PPP1R42: variants seen among roughly 807,000 people sequenced by gnomAD.
PPP1R42 encodes leucine rich repeat containing 67.
Under a neutral mutation model 31.0 loss-of-function variants are expected in PPP1R42, and 34 were observed. The observed-to-expected ratio is 1.10, with a 90% CI of 0.83 to 1.46. The LOEUF (loss-of-function observed/expected upper bound fraction) is 1.46. PPP1R42 is among the 40% of genes most tolerant of loss of function. PPP1R42 has a pLI of 0.00. For synonymous variants in PPP1R42, 103 were observed against 109.8 expected, an observed-to-expected ratio of 0.94 and a Z score of 0.39; for missense variants, 268 against 303.0, an observed-to-expected ratio of 0.88 and a Z score of 0.86.
chr8:66,986,163 G>A (rs1054622808), intron 6 of PPP1R42: 8 of 622,310 alleles, frequency 1.3e-5, no homozygotes, highest in Non-Finnish European at 2.4e-5. Context: ...AACCCAGCAC[G>A]CTTTTCACTG....
intron 2 of PPP1R42, among the ~76,000 whole-genome samples, chr8:67,016,350 T>A (rs1816016826): frequency 6.6e-6 from 1 of 152,184 alleles, no homozygotes. Flanking sequence ...GTAGTTCCTG[T>A]GTTTCCAAGA....
chr8:67,013,061 C>G lies in PPP1R42; in HGVS notation c.332G>C (p.Gly111Ala). The G allele has an allele frequency of 6.2e-7, 1 of 1,605,974 alleles. No individual in the cohort carries two copies. Reference sequence around the variant, plus strand: ...TCTTAGTTCTCCTAATCCTTCTAAACCTTCTATGACAGCAATGTAATTGCC... The same window carrying G: ...TCTTAGTTCTCCTAATCCTTCTAAAGCTTCTATGACAGCAATGTAATTGCC... ...LGGNYIAVIEGLEGLGELREL... is the reference protein window; with the variant it reads ...LGGNYIAVIEALEGLGELREL... The change falls in exon 4 of 8, where the codon GGT (glycine) becomes GCT (alanine). Residue 111 changes from glycine to alanine, a missense_variant. Physicochemically the swap from Gly to Ala is moderately conservative, Grantham distance 60 (BLOSUM62 0). Coordinates refer to ENST00000685739, the MANE Select transcript of PPP1R42 (RefSeq NM_001364910.1).
rs565681133 is a variant in PPP1R42 at position 67,003,906 on chromosome 8, C to T, written c.552+6809G>A. On this transcript the variant is annotated intron_variant, in intron 5 of 7. Transcript: ENST00000685739. ...GAGATTGAGACCATCCTGGCTAAGA[C>T]GGTGAAACCCCGTCTCTACTAAAAG... Among the ~76,000 whole-genome samples, 4 of 152,004 alleles carry T rather than the reference C, an allele frequency of 2.6e-5. No individual in the cohort carries two copies. The East Asian group carries it at 5.8e-4, about 22-fold the overall frequency.
intron 7 of PPP1R42, among the ~76,000 whole-genome samples, chr8:66,979,147 A>C (rs1314968980): frequency 6.6e-6 from 1 of 152,056 alleles, no homozygotes; most frequent in African/African-American, 2.4e-5. Flanking sequence ...GTCCTGAAGC[A>C]TTTCCTCTGT....
intron 5 of PPP1R42, among the ~76,000 whole-genome samples, chr8:66,993,144 C>T (rs1036516062): frequency 6.6e-6 from 1 of 152,154 alleles, no homozygotes; most frequent in Non-Finnish European, 1.5e-5. Context: ...TCCCATGCTC[C>T]CTATATCCAA....
At chr8:66,986,800 G>C (rs1815032191) in intron 6 of PPP1R42, among the ~76,000 whole-genome samples, 6 of 152,174 alleles carry the variant, frequency 3.9e-5, no homozygotes, top group Admixed American at 3.9e-4. Flanking sequence ...CTTTCTGATA[G>C]AAAGTAAATA....
intron 1 of PPP1R42, among the ~76,000 whole-genome samples, chr8:67,018,513 GC>G (rs1171526082): frequency 1.3e-5 from 2 of 149,078 alleles, no homozygotes; most frequent in East Asian, 4.1e-4. Context: ...ATAGTGCACT[GC>G]AACCTTTTTT....
chr8:66,968,212 A>G (rs1814440269), intron 7 of PPP1R42, among the ~76,000 whole-genome samples: 1 of 152,218 alleles, frequency 6.6e-6, no homozygotes, highest in Admixed American at 6.5e-5. Flanking sequence ...AACAACGTCA[A>G]TGAGTCTGAC....
chr8:66,984,461 G>A, intron 6 of PPP1R42: 2 of 1,280,156 alleles, frequency 1.6e-6, no homozygotes, highest in Non-Finnish European at 2.3e-6. Context: ...CCCTTGTGCA[G>A]TAACACCACT....
intron 6 of PPP1R42, chr8:66,988,053 A>C: frequency 4.3e-5 from 31 of 717,738 alleles, no homozygotes; most frequent in Non-Finnish European, 5.3e-5. Context: ...TACAGAACCA[A>C]GAGCTAAGGA....
chr8:67,028,419 G>T, intron 1 of PPP1R42, 72 bp downstream of exon 1: 1 of 872,120 alleles, frequency 1.1e-6, no homozygotes, highest in Non-Finnish European at 1.4e-6. Flanking sequence ...AAGTCTTACT[G>T]GCAGGCAAGT....
At chr8:66,978,458 T>C (rs1814737316) in intron 7 of PPP1R42, among the ~76,000 whole-genome samples, 2 of 152,178 alleles carry the variant, frequency 1.3e-5, no homozygotes, top group Admixed American at 6.5e-5. Context: ...TGAGACTAAG[T>C]CTCACTCTGT....
chr8:67,013,435 G>A (rs184000724), intron 3 of PPP1R42, among the ~76,000 whole-genome samples: 203 of 151,760 alleles, frequency 1.3e-3, no homozygotes, highest in African/African-American at 4.0e-3. Flanking sequence ...AAGATTTCAC[G>A]GCTAGACACA....
At chr8:67,003,166 C>CAAAAA (rs529377387) in intron 5 of PPP1R42, among the ~76,000 whole-genome samples, 1 of 57,698 alleles carries the variant, frequency 1.7e-5, no homozygotes, top group East Asian at 6.3e-4. Context: ...AACTCCGTCT[C>CAAAAA]AAAAAAAAAA....
chr8:66,986,035 C>A, intron 6 of PPP1R42: 1 of 748,604 alleles, frequency 1.3e-6, no homozygotes, highest in South Asian at 1.4e-5. Flanking sequence ...CTCAGTTTGT[C>A]CACAAATCGG....
chr8:66,996,717 A>G (rs1815343586), intron 5 of PPP1R42, among the ~76,000 whole-genome samples: 1 of 152,092 alleles, frequency 6.6e-6, no homozygotes, highest in Non-Finnish European at 1.5e-5. Flanking sequence ...GAAGTTTTAT[A>G]TTTTAGCAGC....
intron 7 of PPP1R42, chr8:66,970,937 C>T: frequency 1.5e-6 from 2 of 1,370,744 alleles, no homozygotes; most frequent in Non-Finnish European, 2.0e-6. Flanking sequence ...ATGTCTCCTC[C>T]CCACCAAAAA....
At chr8:66,964,758 A>C (rs140075787) in intron 7 of PPP1R42, among the ~76,000 whole-genome samples, 1 of 152,264 alleles carries the variant, frequency 6.6e-6, no homozygotes, top group South Asian at 2.1e-4. Context: ...TTCACATTTC[A>C]ACTATTTCTC....
chr8:66,997,729 C>A (rs1249168764), intron 5 of PPP1R42, among the ~76,000 whole-genome samples: 1 of 151,398 alleles, frequency 6.6e-6, no homozygotes, highest in African/African-American at 2.4e-5. Flanking sequence ...AAAAAAAACA[C>A]CTTTTAGAGG....
Sources: gnomAD v4.1 joint callset for allele counts (sites outside exome capture counted in the v4.1 genomes callset) on GRCh38, gnomAD v4.1.1 for gene constraint, MANE v1.5 for transcripts, NCBI Gene and HGNC (gene_info 2026-07-23, HGNC 2026-07-21) for gene names.